The following ANGPT2 variants were observed in gnomAD, a reference collection of about 807,000 sequenced individuals.
ANGPT2 encodes the protein angiopoietin-2.
In ANGPT2, 28 loss-of-function variants were observed where a neutral mutation model predicts 62.9. That is an observed-to-expected ratio of 0.44 (90% CI 0.33 to 0.61). ANGPT2 has a LOEUF of 0.61. Ranked by LOEUF, ANGPT2 falls within the 20% of genes least tolerant of loss-of-function variation. The pLI is 0.03. For missense variants in ANGPT2, 727 were observed against 594.9 expected, an observed-to-expected ratio of 1.22 and a Z score of -2.31; for synonymous variants, 284 against 207.8, an observed-to-expected ratio of 1.37 and a Z score of -3.15.
rs554166322 is a variant in ANGPT2, at chr8:6,528,194, G to A, written c.445-518C>T. On this transcript the variant is annotated intron_variant, in intron 2 of 8. Transcript: ENST00000629816. The stretch of plus-strand genomic sequence containing the variant: ...TTTACAGGCATTAGCCACTGCACCC[G>A]GCCGTTATGTCTCTATCTTGGAAAG... Among the ~76,000 whole-genome samples, 270 of 152,240 alleles carry A rather than the reference G, an allele frequency of 1.8e-3. 1 individual carries two copies. Among genetic ancestry groups the A allele is most frequent in the African/African-American group, 5.7e-3 (238 of 41,540 alleles).
intron 2 of ANGPT2, 133 bp downstream of exon 2, chr8:6,532,199 A>G: frequency 9.3e-7 from 1 of 1,069,716 alleles, no homozygotes; most frequent in Non-Finnish European, 1.4e-6. Context: ...TTAATTTCTT[A>G]TCAATTCATT....
At chr8:6,549,152 A>T (rs1207498742) in intron 1 of ANGPT2, among the ~76,000 whole-genome samples, 2 of 152,222 alleles carry the variant, frequency 1.3e-5, no homozygotes, top group Non-Finnish European at 2.9e-5. Context: ...GTACAAGAAA[A>T]ATGATACATG....
intron 1 of ANGPT2, among the ~76,000 whole-genome samples, chr8:6,555,216 T>C (rs1824380084): frequency 6.6e-6 from 1 of 152,130 alleles, no homozygotes; most frequent in Non-Finnish European, 1.5e-5. Flanking sequence ...ATCCAGTCTG[T>C]AGAATGTGAG....
At chr8:6,556,673 G>C (rs1009660278) in intron 1 of ANGPT2, among the ~76,000 whole-genome samples, 4 of 151,934 alleles carry the variant, frequency 2.6e-5, no homozygotes, top group African/African-American at 7.3e-5. Context: ...GAGCGCAATG[G>C]CACCATCATA....
rs770508551 is a variant in ANGPT2 at position 6,527,590 on chromosome 8, C to T, written c.531G>A (p.Gln177=). 1 of 1,613,990 alleles carries T rather than the reference C, an allele frequency of 6.2e-7. No homozygotes were observed. The highest frequency in any genetic ancestry group is 1.1e-5 in the South Asian group (1 of 91,064). Reference sequence around the variant, plus strand: ...CTTGCAATTTGTTTATTTCACTGGTCTGGTCCAAAATCTGTTTTTCCAATT... The same window carrying T: ...CTTGCAATTTGTTTATTTCACTGGTTTGGTCCAAAATCTGTTTTTCCAATT... ...TNKLEKQILD[Q]TSEINKLQDK... The change falls in exon 3 of 9, where the codon CAG becomes CAA. Residue 177 remains glutamine, a synonymous_variant. Transcript: ENST00000629816.
intron 1 of ANGPT2, among the ~76,000 whole-genome samples, chr8:6,548,871 C>T (rs1033995077): frequency 6.6e-6 from 1 of 152,204 alleles, no homozygotes; most frequent in Non-Finnish European, 1.5e-5. Flanking sequence ...TTTCCATTGG[C>T]TGTTGATAAA....
intron 1 of ANGPT2, among the ~76,000 whole-genome samples, chr8:6,532,889 C>A (rs1478864456): frequency 6.6e-6 from 1 of 152,174 alleles, no homozygotes; most frequent in Non-Finnish European, 1.5e-5. Flanking sequence ...TAATTTGACA[C>A]AAAGAAGCAT....
intron 5 of ANGPT2, 132 bp from the exon 6 acceptor site, chr8:6,514,910 T>C: frequency 1.5e-6 from 1 of 674,438 alleles, no homozygotes; most frequent in Non-Finnish European, 2.6e-6. Flanking sequence ...AGGCACGGAG[T>C]AGACCATCGG....
chr8:6,535,783 C>T (rs1820373937), intron 1 of ANGPT2, among the ~76,000 whole-genome samples: 1 of 152,024 alleles, frequency 6.6e-6, no homozygotes, highest in Non-Finnish European at 1.5e-5. Context: ...CGTGATGGCT[C>T]ATGCCTGTAA....
chr8:6,525,708 T>C (rs1205952773), intron 3 of ANGPT2, among the ~76,000 whole-genome samples: 1 of 152,250 alleles, frequency 6.6e-6, no homozygotes, highest in Non-Finnish European at 1.5e-5. Context: ...CTCATACACC[T>C]GTAAAATCAT....
At chr8:6,508,737 C>G in intron 8 of ANGPT2, 195 bp downstream of exon 8, 1 of 747,944 alleles carries the variant, frequency 1.3e-6, no homozygotes, top group Admixed American at 2.5e-5. Context: ...ACAAGTCTAG[C>G]TCCATATCAT....
intron 3 of ANGPT2, among the ~76,000 whole-genome samples, chr8:6,526,392 C>T (rs1034168258): frequency 1.1e-4 from 16 of 151,382 alleles, no homozygotes; most frequent in African/African-American, 3.6e-4. Flanking sequence ...TGAGATGGCA[C>T]CACTGCACTC....
At chr8:6,554,514 A>C (rs1249897414) in intron 1 of ANGPT2, among the ~76,000 whole-genome samples, 1 of 152,220 alleles carries the variant, frequency 6.6e-6, no homozygotes, top group East Asian at 1.9e-4. Context: ...TCCATTGTCC[A>C]TAAAAAATTA....
chr8:6,508,319 G>T (rs1188649927), intron 8 of ANGPT2: 1 of 152,558 alleles, frequency 6.6e-6, no homozygotes, highest in Non-Finnish European at 1.5e-5. Flanking sequence ...TGCACTGGTG[G>T]GCGCCTATAA....
intron 1 of ANGPT2, 122 bp downstream of exon 1, chr8:6,562,525 C>G: frequency 1.2e-6 from 1 of 853,446 alleles, no homozygotes; most frequent in South Asian, 2.9e-5. Flanking sequence ...AACCCGCTCT[C>G]CAGCTCTAAT....
At position 6,503,073 on chromosome 8, in the gene ANGPT2, A is replaced by G. The variant is rs1456909960; in HGVS notation, c.*28T>C. On this transcript the variant is annotated 3_prime_UTR_variant, in exon 9 of 9. Transcript: ENST00000629816. ...GGCTTAAGTCTTTGAAAATAGTTCGAGACAGTTCCTCAGGTGGACTGGGAT... is the reference window on the plus strand; with the variant it reads ...GGCTTAAGTCTTTGAAAATAGTTCGGGACAGTTCCTCAGGTGGACTGGGAT... 3 of 1,613,574 alleles carry G rather than the reference A, an allele frequency of 1.9e-6. No individual in the cohort carries two copies. Among genetic ancestry groups the G allele is most frequent in the Non-Finnish European group, 2.5e-6 (3 of 1,179,734 alleles).
At position 6,502,202 on chromosome 8, in the gene ANGPT2, AG is replaced by A. The variant is rs1399205137; in HGVS notation, c.*898del. The A allele has an allele frequency of 1.3e-5, 2 of 152,178 alleles. No homozygotes were observed. The highest frequency in any genetic ancestry group is 4.8e-5 in the African/African-American group (2 of 41,456). 9.4% of individuals were successfully genotyped at this position (152,178 alleles called of 1,614,324 possible). A position where few individuals can be genotyped will look rare whatever the true frequency, so the allele number is the denominator to read the frequency against. ...ATGTATAATTTTCCTCATCATTAAA[AG>A]TAAGAAGTTTCCTTATCACAAGGCA... is the stretch of plus-strand genomic sequence containing the variant. On this transcript the variant is annotated 3_prime_UTR_variant, in exon 9 of 9. Transcript: ENST00000629816.
At position 6,513,726 on chromosome 8, in the gene ANGPT2, T is replaced by A. The variant is rs757382766; in HGVS notation, c.1148A>T (p.Tyr383Phe). 5.0e-6 allele frequency: 8 copies of A among 1,613,694 alleles called. No individual in the cohort carries two copies. Among genetic ancestry groups the A allele is most frequent in the Middle Eastern group, 1.6e-4 (1 of 6,084 alleles). ...HLKDWEGNEA[Y>F]SLYEHFYLSS... is the part of the protein sequence containing the mutation. ...GAGATAGAAATGTTCATACAATGAG[T>A]AAGCCTCATTCCCTTCCCAGTCTTT... is the stretch of plus-strand genomic sequence containing the variant. The change falls in exon 7 of 9, where the codon TAC (tyrosine) becomes TTC (phenylalanine). Residue 383 changes from tyrosine (Y) to phenylalanine (F), a missense_variant. Physicochemically the swap from Tyr to Phe is conservative, Grantham distance 22. Coordinates refer to ENST00000629816, the MANE Select transcript of ANGPT2 (RefSeq NM_001118887.2).
At chr8:6,559,226 C>T (rs957869738) in intron 1 of ANGPT2, among the ~76,000 whole-genome samples, 4 of 101,436 alleles carry the variant, frequency 3.9e-5, no homozygotes, top group Admixed American at 1.1e-4. Flanking sequence ...TAGCCACACA[C>T]GACAACACAC....
Sources: gnomAD v4.1 joint callset for allele counts (sites outside exome capture counted in the v4.1 genomes callset) on GRCh38, gnomAD v4.1.1 for gene constraint, MANE v1.5 for transcripts, NCBI Gene and HGNC (gene_info 2026-07-23, HGNC 2026-07-21) for gene names.